The following CDH23 variants were observed in gnomAD, a reference collection of about 807,000 sequenced individuals.
The protein encoded by CDH23 is cadherin-23.
A neutral mutation model predicts 317.1 loss-of-function variants in CDH23; 189 were observed. That is an observed-to-expected ratio of 0.60 (90% CI 0.53 to 0.67). CDH23 has a LOEUF of 0.67. CDH23 is among the 30% of genes least tolerant of loss of function. The pLI is 0.00. For missense variants in CDH23, 4,401 were observed against 4,592.4 expected (o/e 0.96, Z 1.20); for synonymous variants, 1,839 against 1,876.8 (o/e 0.98, Z 0.52).
At chr10:71,785,498 G>T (rs747293483) in intron 43 of CDH23, 133 bp from the exon 44 acceptor site, 6 of 653,972 alleles carry the variant, frequency 9.2e-6, no homozygotes, top group Non-Finnish European at 1.6e-5. Context: ...AGACCCTGCC[G>T]ACCCACATTT....
intron 55 of CDH23, among the ~76,000 whole-genome samples, chr10:71,804,740 TGCTTCCCAC>T (rs1426073411): frequency 6.6e-6 from 1 of 152,232 alleles, no homozygotes; most frequent in Non-Finnish European, 1.5e-5. Context: ...GCTTACACCT[TGCTTCCCAC>T]CCCTCAGCTT....
intron 1 of CDH23, among the ~76,000 whole-genome samples, chr10:71,432,100 G>C (rs1329858571): frequency 6.6e-6 from 1 of 152,194 alleles, no homozygotes; most frequent in Non-Finnish European, 1.5e-5. Context: ...CCTGGGCAAA[G>C]GAGTGGGAAC....
rs773509511 is a variant in CDH23 at position 71,704,940 on chromosome 10, G to C, written c.2763G>C (p.Leu921=). 1.9e-6 allele frequency: 3 copies of C among 1,612,932 alleles called. No individual in the cohort carries two copies. The highest frequency in any genetic ancestry group is 1.3e-5 in the African/African-American group (1 of 75,046). ...QVVAIDLDEG[L]NGLVSYRMPV... ...TGGCCATCGACCTCGATGAGGGCCTGAACGGCCTGGTGTCCTACCGCATGC... is the reference window on the plus strand; with the variant it reads ...TGGCCATCGACCTCGATGAGGGCCTCAACGGCCTGGTGTCCTACCGCATGC... The change falls in exon 25 of 70, where the codon CTG becomes CTC. Residue 921 remains leucine (L), a synonymous_variant. Coordinates refer to ENST00000224721, the MANE Select transcript of CDH23 (RefSeq NM_022124.6).
rs778724450 is a variant in CDH23, at chr10:71,741,767, C to G, written c.4691C>G (p.Ser1564Cys). The G allele has an allele frequency of 1.9e-6, 3 of 1,612,686 alleles. No homozygotes were observed. Among genetic ancestry groups the G allele is most frequent in the Non-Finnish European group, 1.7e-6 (2 of 1,179,362 alleles). The stretch of plus-strand genomic sequence containing the variant: ...GACATCGGGATCAACAGTGTTCTGT[C>G]CTACTACATCACCGAGGGCAACAAG... Reference protein sequence around the residue: ...DRDIGINSVLSYYITEGNKDM... With the variant: ...DRDIGINSVLCYYITEGNKDM... Residue 1564 changes from serine (S) to cysteine (C), a missense_variant, in exon 38 of 70, where the codon TCC becomes TGC. By Grantham distance (112) the Ser-to-Cys change is moderately radical. Transcript: ENST00000224721.
At chr10:71,471,830 CA>C (rs1446929245) in intron 3 of CDH23, among the ~76,000 whole-genome samples, 2 of 152,330 alleles carry the variant, frequency 1.3e-5, no homozygotes, top group East Asian at 3.9e-4. Context: ...GCTGGGATTC[CA>C]TCCTTGGGAT....
intron 3 of CDH23, among the ~76,000 whole-genome samples, chr10:71,460,726 G>T (rs1200875546): frequency 6.6e-6 from 1 of 152,164 alleles, no homozygotes; most frequent in Non-Finnish European, 1.5e-5. Context: ...GCCAACCATT[G>T]TCCCTCCCAT....
intron 14 of CDH23, chr10:71,647,007 CT>C (rs1322553127): frequency 2.0e-6 from 2 of 985,320 alleles, no homozygotes; most frequent in Admixed American, 1.2e-4. Flanking sequence ...GGGCAGGCGC[CT>C]GGAGGGTACC....
chr10:71,521,741 G>A (rs1441632983), intron 6 of CDH23, among the ~76,000 whole-genome samples: 1 of 152,248 alleles, frequency 6.6e-6, no homozygotes, highest in East Asian at 1.9e-4. Context: ...GCTGCTGAGG[G>A]CCGGCCCCGG....
At chr10:71,788,029 TC>T (rs1235695205) in intron 44 of CDH23, among the ~76,000 whole-genome samples, 1 of 152,188 alleles carries the variant, frequency 6.6e-6, no homozygotes, top group Non-Finnish European at 1.5e-5. Flanking sequence ...CATTCCCTTT[TC>T]TCTGCATCCT....
chr10:71,807,020 T>TACATATAA (rs1841750846), intron 57 of CDH23, among the ~76,000 whole-genome samples: 2 of 152,218 alleles, frequency 1.3e-5, no homozygotes, highest in Non-Finnish European at 2.9e-5. Context: ...CACATGCATG[T>TACATATAA]GCATATAAGA....
At chr10:71,399,784 ACCAAC>A (rs1847699204) in intron 1 of CDH23, among the ~76,000 whole-genome samples, 1 of 151,954 alleles carries the variant, frequency 6.6e-6, no homozygotes, top group Non-Finnish European at 1.5e-5. Context: ...TCTAAAGAAA[ACCAAC>A]AAAAACCCCT....
intron 9 of CDH23, among the ~76,000 whole-genome samples, chr10:71,613,073 T>C (rs1860998019): frequency 6.6e-6 from 1 of 152,230 alleles, no homozygotes; most frequent in African/African-American, 2.4e-5. Flanking sequence ...GGTCTTGAAC[T>C]CCTGACTTCA....
chr10:71,792,850 A>ATATATATATATATAT (rs869165106), intron 47 of CDH23, among the ~76,000 whole-genome samples: 1 of 35,732 alleles, frequency 2.8e-5, no homozygotes, highest in East Asian at 9.2e-4. Flanking sequence ...AAAAAAAAAA[A>ATATATATATATATAT]AAATATATAT....
At chr10:71,446,456 A>G (rs1850174027) in intron 3 of CDH23, 61 bp downstream of exon 3, 4 of 1,463,394 alleles carry the variant, frequency 2.7e-6, no homozygotes, top group East Asian at 2.3e-5. Flanking sequence ...CCTTCCCACA[A>G]GTGAAGGGGA....
chr10:71,660,328 C>G (rs1487658642), intron 14 of CDH23, among the ~76,000 whole-genome samples: 2 of 152,112 alleles, frequency 1.3e-5, no homozygotes, highest in Non-Finnish European at 2.9e-5. Context: ...CAACAGAGAC[C>G]CCAAAAACAG....
At chr10:71,806,579 A>T (rs1274897172) in intron 57 of CDH23, among the ~76,000 whole-genome samples, 1 of 130,612 alleles carries the variant, frequency 7.7e-6, no homozygotes, top group Non-Finnish European at 1.6e-5. Flanking sequence ...ATCAGCTCTG[A>T]TTTTTTTTTT....
intron 18 of CDH23, among the ~76,000 whole-genome samples, chr10:71,686,630 T>C (rs1234329): frequency 6.6e-6 from 1 of 152,162 alleles, no homozygotes; most frequent in Non-Finnish European, 1.5e-5. Context: ...AAGCCAGGCC[T>C]TCTCATGGAA....
chr10:71,582,831 C>T (rs943994359), intron 9 of CDH23, among the ~76,000 whole-genome samples: 5 of 152,196 alleles, frequency 3.3e-5, no homozygotes, highest in Admixed American at 3.3e-4. Flanking sequence ...ACCATCTTCG[C>T]CCTGGGAACC....
intron 1 of CDH23, among the ~76,000 whole-genome samples, chr10:71,401,724 C>T (rs1417130440): frequency 6.6e-6 from 1 of 152,116 alleles, no homozygotes; most frequent in African/African-American, 2.4e-5. Context: ...GGGCAAAACC[C>T]ATCTACGTGA....
Sources: allele counts gnomAD v4.1 joint callset (sites outside exome capture counted in the v4.1 genomes callset), GRCh38; gene constraint gnomAD v4.1.1; transcripts MANE v1.5; gene names NCBI Gene and HGNC (gene_info 2026-07-23, HGNC 2026-07-21).